The following MYOZ1 variants were observed in gnomAD, a reference collection of about 807,000 sequenced individuals.
The protein encoded by MYOZ1 is myozenin-1.
In MYOZ1, 20 loss-of-function variants were observed where a neutral mutation model predicts 28.7. That is an observed-to-expected ratio of 0.70 (90% CI 0.49 to 1.01). The LOEUF (loss-of-function observed/expected upper bound fraction) is 1.01. Ranked by LOEUF, MYOZ1 falls within the 50% of genes least tolerant of loss-of-function variation. MYOZ1 has a pLI of 0.00. For missense variants in MYOZ1, 371 were observed against 372.4 expected (o/e 1.00, Z 0.03); for synonymous variants, 144 against 145.8 (o/e 0.99, Z 0.09).
intron 3 of MYOZ1, among the ~76,000 whole-genome samples, chr10:73,636,059 A>AGAGAG (rs1260543765): frequency 1.3e-5 from 2 of 152,114 alleles, no homozygotes; most frequent in African/African-American, 4.8e-5. Context: ...GCAGCTCAGC[A>AGAGAG]CTTTTACTCT....
intron 5 of MYOZ1, among the ~76,000 whole-genome samples, chr10:73,633,078 C>A (rs933940120): frequency 6.6e-6 from 1 of 152,118 alleles, no homozygotes; most frequent in African/African-American, 2.4e-5. Flanking sequence ...GGGCAGATCA[C>A]CTGAGGTCAG....
chr10:73,635,554 AT>A lies in MYOZ1; in HGVS notation c.253-822del, dbSNP rs796385677. 1.1e-3 allele frequency among the ~76,000 whole-genome samples: 161 copies of A among 144,416 alleles called. 1 individual carries two copies. The highest frequency in any genetic ancestry group is 7.2e-3 in the Middle Eastern group (2 of 278). The allele number at this position is 144,416 out of a possible 152,430, so 94.7% of individuals were successfully genotyped here. ...GCTACCACACCCAGCTAAATTTTGT[AT>A]TTTTTTTTTTCCTAGAGACAGGGTT... On this transcript the variant is annotated intron_variant, in intron 3 of 5. Coordinates refer to ENST00000359322, the MANE Select transcript of MYOZ1 (RefSeq NM_021245.4).
intron 2 of MYOZ1, among the ~76,000 whole-genome samples, chr10:73,638,866 A>T (rs969508101): frequency 3.2e-4 from 47 of 149,060 alleles, no homozygotes; most frequent in African/African-American, 1.1e-3. Context: ...GGGTTTCACC[A>T]TGTTGGCCGG....
Position 73,634,545 on chromosome 10 carries a change from G to A in MYOZ1, c.441C>T (p.Pro147=), listed in dbSNP as rs148506684. The A allele has an allele frequency of 3.7e-4, 604 of 1,614,022 alleles. 5 individuals are homozygous for A. In the South Asian group the frequency reaches 4.7e-3, roughly 13 times the overall value. The change falls in exon 4 of 6, where the codon CCC becomes CCT. Residue 147 remains proline (P), a synonymous_variant. Coordinates refer to ENST00000359322, the MANE Select transcript of MYOZ1 (RefSeq NM_021245.4). ...SGSGAGGTGG[P]AGQAGRGGAA... ...CTCCTCCTCTGCCAGCCTGGCCCGC[G>A]GGACCACCTGTACCCCCAGCTCCAG...
Position 73,637,838 on chromosome 10 carries a change from G to A in MYOZ1, c.158C>T (p.Thr53Ile). 6.2e-7 allele frequency: 1 copy of A among 1,614,130 alleles called. No homozygotes were observed. The highest frequency in any genetic ancestry group is 1.7e-5 in the Admixed American group (1 of 60,004). The change falls in exon 3 of 6, where the codon ACC (threonine) becomes ATC (isoleucine). Residue 53 changes from threonine to isoleucine, a missense_variant. Transcript: ENST00000359322. ...TTTGAACATCTTGGAGCCCCGGTTG[G>A]TAAGCAGCGACAGTTCCTCCAACAT... is the stretch of plus-strand genomic sequence containing the variant. ...DVMLEELSLL[T>I]NRGSKMFKLR...
chr10:73,639,540 A>G (rs1172032453), intron 2 of MYOZ1, among the ~76,000 whole-genome samples: 1 of 152,162 alleles, frequency 6.6e-6, no homozygotes, highest in Non-Finnish European at 1.5e-5. Context: ...CCCAGGAAAC[A>G]TGCCTGTGCA....
intron 3 of MYOZ1, among the ~76,000 whole-genome samples, chr10:73,636,320 G>A (rs2081667107): frequency 6.6e-6 from 1 of 152,190 alleles, no homozygotes; most frequent in Non-Finnish European, 1.5e-5. Context: ...TTAGGGAATA[G>A]ACTGACCCTT....
At chr10:73,639,466 G>C (rs1352464654) in intron 2 of MYOZ1, among the ~76,000 whole-genome samples, 1 of 152,138 alleles carries the variant, frequency 6.6e-6, no homozygotes, top group Admixed American at 6.5e-5. Context: ...CCCTCAGTGA[G>C]CTCTGGCTCC....
chr10:73,634,716 G>A lies in MYOZ1; in HGVS notation c.270C>T (p.Phe90=), dbSNP rs372939816. The change falls in exon 4 of 6, where the codon TTC becomes TTT. Residue 90 remains phenylalanine (F), a synonymous_variant. Transcript: ENST00000359322. The part of the protein sequence containing the change: ...SDSSMDHFQK[F]LPTVGGQLGT... ...CCAGCTGTCCCCCCACTGTTGGAAG[G>A]AACTTCTGGAAGTGATCCTGAAAAG... The A allele has an allele frequency of 6.2e-7, 1 of 1,613,314 alleles. No homozygotes were observed. The highest frequency in any genetic ancestry group is 8.5e-7 in the Non-Finnish European group (1 of 1,179,456).
At chr10:73,632,350 G>A (rs2081639972) in intron 5 of MYOZ1, among the ~76,000 whole-genome samples, 189 bp from the exon 6 acceptor site, 1 of 152,050 alleles carries the variant, frequency 6.6e-6, no homozygotes, top group Non-Finnish European at 1.5e-5. Context: ...AGCTAATAAT[G>A]AGAAAAGGAG....
intron 3 of MYOZ1, 64 bp from the exon 4 acceptor site, chr10:73,634,797 G>A: frequency 4.5e-6 from 7 of 1,564,918 alleles, no homozygotes; most frequent in South Asian, 1.2e-5. Context: ...AAAAACAGAG[G>A]TATGTTTAGC....
At chr10:73,632,534 G>A (rs1295412362) in intron 5 of MYOZ1, among the ~76,000 whole-genome samples, 1 of 152,026 alleles carries the variant, frequency 6.6e-6, no homozygotes, top group African/African-American at 2.4e-5. Flanking sequence ...GGAGGCCAAG[G>A]TGGGTGGATC....
chr10:73,635,311 C>T (rs182853258), intron 3 of MYOZ1, among the ~76,000 whole-genome samples: 1 of 152,108 alleles, frequency 6.6e-6, no homozygotes, highest in East Asian at 1.9e-4. Context: ...TCTCCACACT[C>T]CCCTTTCTCA....
At chr10:73,639,206 T>C (rs1349504521) in intron 2 of MYOZ1, among the ~76,000 whole-genome samples, 1 of 152,040 alleles carries the variant, frequency 6.6e-6, no homozygotes, top group African/African-American at 2.4e-5. Context: ...CACGGCAGCC[T>C]CCACCTCCCG....
intron 5 of MYOZ1, among the ~76,000 whole-genome samples, chr10:73,632,530 C>G (rs1235182858): frequency 6.6e-6 from 1 of 151,698 alleles, no homozygotes; most frequent in Non-Finnish European, 1.5e-5. Context: ...TTTGGGAGGC[C>G]AAGGTGGGTG....
chr10:73,638,642 AT>A (rs2081683417), intron 2 of MYOZ1, among the ~76,000 whole-genome samples: 1 of 118,166 alleles, frequency 8.5e-6, no homozygotes, highest in Non-Finnish European at 1.8e-5. Flanking sequence ...CCTACATTTT[AT>A]TTATTTATTT....
chr10:73,633,683 G>C (rs1039436469), intron 5 of MYOZ1, among the ~76,000 whole-genome samples: 3 of 152,190 alleles, frequency 2.0e-5, no homozygotes, highest in Admixed American at 1.3e-4. Context: ...CATTGAGCTA[G>C]AATTCAAATC....
intron 1 of MYOZ1, among the ~76,000 whole-genome samples, chr10:73,640,404 A>G (rs746462430): frequency 2.6e-5 from 4 of 152,134 alleles, no homozygotes; most frequent in Non-Finnish European, 5.9e-5. Context: ...CCTGCCTCCC[A>G]AAGTGCTGAG....
Position 73,634,634 on chromosome 10 carries a change from C to T in MYOZ1, c.352G>A (p.Ala118Thr). ...TGTCCGGCAGAGCCACTGCCCCCTG[C>T]CTGGCTGCCGCCTCTGCCGTTGCTC... ...SKSNGRGGSQ[A>T]GGSGSAGQYG... The change falls in exon 4 of 6, where the codon GCA (alanine) becomes ACA (threonine). Residue 118 changes from alanine to threonine, a missense_variant. Coordinates refer to ENST00000359322, the MANE Select transcript of MYOZ1 (RefSeq NM_021245.4). 2 of 1,614,232 alleles carry T rather than the reference C, an allele frequency of 1.2e-6. No homozygotes were observed. The highest frequency in any genetic ancestry group is 8.5e-7 in the Non-Finnish European group (1 of 1,180,042).
Sources: allele counts gnomAD v4.1 joint callset (sites outside exome capture counted in the v4.1 genomes callset), GRCh38; gene constraint gnomAD v4.1.1; transcripts MANE v1.5; gene names NCBI Gene and HGNC (gene_info 2026-07-23, HGNC 2026-07-21).